The following SGPP2 variants were observed in gnomAD, a reference collection of about 807,000 sequenced individuals.
The protein encoded by SGPP2 is sphingosine 1-phosphate phosphohydrolase 2.
Under a neutral mutation model 33.9 loss-of-function variants are expected in SGPP2, and 30 were observed. The ratio of observed to expected loss-of-function variants is 0.89; its 90% CI spans 0.66 to 1.20. The LOEUF (loss-of-function observed/expected upper bound fraction) is 1.20. SGPP2 is among the 50% of genes most tolerant of loss of function. SGPP2 has a pLI of 0.00. For missense variants in SGPP2, 458 were observed against 532.1 expected, an observed-to-expected ratio of 0.86 and a Z score of 1.37; for synonymous variants, 233 against 225.0, an observed-to-expected ratio of 1.04 and a Z score of -0.32.
At chr2:222,442,247 A>G (rs1042567149) in intron 1 of SGPP2, among the ~76,000 whole-genome samples, 2 of 152,166 alleles carry the variant, frequency 1.3e-5, no homozygotes, top group Non-Finnish European at 2.9e-5. Flanking sequence ...TTGCTTTTGA[A>G]TATCTCTTTT....
chr2:222,474,814 CTTTT>C (rs3075931), intron 2 of SGPP2, 88 bp downstream of exon 2: 20,311 of 774,334 alleles, frequency 0.026, 1 homozygote, highest in East Asian at 0.059. Context: ...TATGTTCTTT[CTTTT>C]TTTTTTTTTT....
At chr2:222,484,186 A>G (rs1158491383) in intron 2 of SGPP2, among the ~76,000 whole-genome samples, 3 of 152,172 alleles carry the variant, frequency 2.0e-5, no homozygotes, top group Non-Finnish European at 4.4e-5. Flanking sequence ...ATTATCAACC[A>G]TCTTTACCAG....
chr2:222,469,990 C>T (rs1697813911), intron 1 of SGPP2, among the ~76,000 whole-genome samples: 1 of 152,184 alleles, frequency 6.6e-6, no homozygotes, highest in Non-Finnish European at 1.5e-5. Context: ...TGGAAGCCAT[C>T]ATTCTCAGCA....
chr2:222,502,540 G>A (rs1454773517), intron 2 of SGPP2, among the ~76,000 whole-genome samples: 1 of 152,186 alleles, frequency 6.6e-6, no homozygotes, highest in Non-Finnish European at 1.5e-5. Context: ...TCCTTTAAAT[G>A]TCATGTCAAC....
chr2:222,505,837 A>G (rs2043489739), intron 2 of SGPP2, among the ~76,000 whole-genome samples: 1 of 150,428 alleles, frequency 6.6e-6, no homozygotes, highest in African/African-American at 2.4e-5. Flanking sequence ...TGGGGGGCTG[A>G]GGAAGGAGAA....
At chr2:222,434,547 A>G (rs904022201) in intron 1 of SGPP2, among the ~76,000 whole-genome samples, 1 of 152,284 alleles carries the variant, frequency 6.6e-6, no homozygotes, top group African/African-American at 2.4e-5. Flanking sequence ...TCCTCCCCCA[A>G]ATGCTCATTG....
intron 2 of SGPP2, among the ~76,000 whole-genome samples, chr2:222,515,334 T>C (rs1698588167): frequency 6.6e-6 from 1 of 152,104 alleles, no homozygotes; most frequent in African/African-American, 2.4e-5. Flanking sequence ...AACCACTTTT[T>C]TTTTCTTTTT....
intron 1 of SGPP2, among the ~76,000 whole-genome samples, chr2:222,435,987 C>A (rs1053674649): frequency 1.3e-5 from 2 of 152,174 alleles, no homozygotes; most frequent in African/African-American, 4.8e-5. Context: ...TGTACTTTCC[C>A]ATTGACCTTA....
intron 2 of SGPP2, among the ~76,000 whole-genome samples, chr2:222,495,424 A>G (rs1698264984): frequency 6.6e-6 from 1 of 152,128 alleles, no homozygotes; most frequent in Admixed American, 6.5e-5. Context: ...AAAAAAATAA[A>G]AATTAAAAAA....
At position 222,524,723 on chromosome 2, in the gene SGPP2, GA is replaced by G. The variant is rs372907023; in HGVS notation, c.559-218del. On this transcript the variant is annotated intron_variant, in intron 3 of 4. Transcript: ENST00000321276. ...TCTCACGTGCATGCTTATATGTTGT[GA>G]AACTTCCTCCCAGAACTGTGTACCT... is the stretch of plus-strand genomic sequence containing the variant. Among the ~76,000 whole-genome samples the G allele has an allele frequency of 7.1e-3, 1,079 of 152,280 alleles. 10 individuals carry two copies. The highest frequency in any genetic ancestry group is 0.024 in the African/African-American group (998 of 41,550).
At chr2:222,478,295 G>GTGTGTGTGTGTGTGTGTA (rs770770754) in intron 2 of SGPP2, among the ~76,000 whole-genome samples, 2 of 138,486 alleles carry the variant, frequency 1.4e-5, no homozygotes, top group African/African-American at 5.1e-5. Flanking sequence ...GTGTGTGTGT[G>GTGTGTGTGTGTGTGTGTA]TATACGTACG....
At chr2:222,498,689 A>G (rs916134890) in intron 2 of SGPP2, among the ~76,000 whole-genome samples, 9 of 152,214 alleles carry the variant, frequency 5.9e-5, no homozygotes, top group Admixed American at 5.9e-4. Context: ...AGGCTGATAA[A>G]ATAAAAATAT....
chr2:222,536,786 T>G (rs1252127042), intron 4 of SGPP2, among the ~76,000 whole-genome samples: 1 of 152,250 alleles, frequency 6.6e-6, no homozygotes, highest in Non-Finnish European at 1.5e-5. Flanking sequence ...GTTATGATGT[T>G]TAGGAAAATA....
intron 1 of SGPP2, among the ~76,000 whole-genome samples, chr2:222,430,277 G>A (rs112259311): frequency 3.3e-5 from 5 of 152,224 alleles, no homozygotes; most frequent in South Asian, 2.1e-4. Flanking sequence ...ATAAAGACAC[G>A]TGTCATTTTT....
chr2:222,442,547 G>A (rs1697342033), intron 1 of SGPP2, among the ~76,000 whole-genome samples: 1 of 152,066 alleles, frequency 6.6e-6, no homozygotes, highest in Non-Finnish European at 1.5e-5. Context: ...ATTTAATTGT[G>A]TAATTCATCT....
intron 3 of SGPP2, 145 bp downstream of exon 3, chr2:222,522,091 T>C (rs1022646259): frequency 6.0e-6 from 4 of 665,128 alleles, no homozygotes; most frequent in Non-Finnish European, 9.3e-6. Context: ...ATTAAACAGA[T>C]GACAATTGCA....
At chr2:222,539,360 G>A (rs1698959671) in intron 4 of SGPP2, among the ~76,000 whole-genome samples, 1 of 152,198 alleles carries the variant, frequency 6.6e-6, no homozygotes, top group South Asian at 2.1e-4. Flanking sequence ...AATGCTGTAT[G>A]TTAGAGGAGA....
At chr2:222,543,585 G>T (rs775668206) in intron 4 of SGPP2, among the ~76,000 whole-genome samples, 1 of 152,146 alleles carries the variant, frequency 6.6e-6, no homozygotes, top group Non-Finnish European at 1.5e-5. Context: ...TGTGAATGTG[G>T]TCTCTCTCTC....
At chr2:222,556,446 C>T (rs1689400919) in intron 4 of SGPP2, among the ~76,000 whole-genome samples, 1 of 143,336 alleles carries the variant, frequency 7.0e-6, no homozygotes, top group Non-Finnish European at 1.5e-5. Context: ...CCAACCCCGG[C>T]TCCGTCCACT....
Sources: allele counts gnomAD v4.1 joint callset (sites outside exome capture counted in the v4.1 genomes callset), GRCh38; gene constraint gnomAD v4.1.1; transcripts MANE v1.5; gene names NCBI Gene and HGNC (gene_info 2026-07-23, HGNC 2026-07-21).